Variants in PLEC observed in about 807,000 individuals in gnomAD.
The protein encoded by PLEC is hemidesmosomal protein 1.
Under a neutral mutation model 392.8 loss-of-function variants are expected in PLEC, and 216 were observed. The ratio of observed to expected loss-of-function variants is 0.55; its 90% CI spans 0.49 to 0.62. The LOEUF (loss-of-function observed/expected upper bound fraction) is 0.62. Among genes scored for constraint, PLEC ranks in the 20% least tolerant of loss-of-function variants. The probability of loss-of-function intolerance (pLI) is 0.00; values close to 1 mark genes in which losing one functional copy is unlikely to be tolerated. For missense variants in PLEC, 6,863 were observed against 6,563.4 expected, an observed-to-expected ratio of 1.05 and a Z score of -1.58; for synonymous variants, 3,621 against 2,980.6, an observed-to-expected ratio of 1.21 and a Z score of -7.00.
In PLEC at chr8:143,924,315, C is replaced by CCTCCGCCAGCCGCCGCAGGCGCTCGTT. The variant is rs1554696651; in HGVS notation, c.5587_5613dup (p.Asn1863_Glu1871dup). On this transcript the variant is annotated inframe_insertion, in exon 31 of 32. Transcript: ENST00000345136. The stretch of plus-strand genomic sequence containing the variant: ...AGCCGCCGCCGCTGGAAGGCCTCGT[C>CCTCCGCCAGCCGCCGCAGGCGCTCGTT]CTCCGCCAGCCGCCGCAGGCGCTCG... 3.8e-6 allele frequency: 6 copies of CCTCCGCCAGCCGCCGCAGGCGCTCGTT among 1,594,452 alleles called. No homozygotes were observed.
chr8:143,933,904 C>T, intron 12 of PLEC, 94 bp downstream of exon 12: 1 of 1,140,416 alleles, frequency 8.8e-7, no homozygotes, highest in Non-Finnish European at 1.3e-6. Context: ...CCCAGGAGCC[C>T]AGGGGGACAG....
intron 3 of PLEC, 106 bp from the exon 4 acceptor site, chr8:143,937,348 G>C (rs1164581473): frequency 8.5e-6 from 7 of 822,570 alleles, no homozygotes; most frequent in Non-Finnish European, 1.4e-5. Flanking sequence ...TCTTCCCCAG[G>C]GGGCAGCAGC....
rs782331003 is a variant in PLEC, at chr8:143,916,990, C to G, written c.12831G>C (p.Thr4277=). ...TGTCCAGGATGCCAGCCACGGGGCC[C>G]GTCTCCTCAGTGGGGTCTGACCAGG... ...LASWSDPTEE[T]GPVAGILDTE... The change falls in exon 32 of 32, where the codon ACG becomes ACC. Residue 4277 remains threonine, a synonymous_variant. Coordinates refer to ENST00000345136, the MANE Select transcript of PLEC (RefSeq NM_201384.3). 1 of 1,612,842 alleles carries G rather than the reference C, an allele frequency of 6.2e-7. No individual in the cohort carries two copies. Among genetic ancestry groups the G allele is most frequent in the Non-Finnish European group, 8.5e-7 (1 of 1,179,982 alleles).
At position 143,922,590 on chromosome 8, in the gene PLEC, G is replaced by T. The variant is rs781936848; in HGVS notation, c.7339C>A (p.Arg2447Ser). The change falls in exon 31 of 32, where the codon CGC (arginine) becomes AGC (serine). Residue 2447 changes from arginine to serine, a missense_variant. Transcript: ENST00000345136. Reference sequence around the variant, plus strand: ...AGCTCAGCGATGGCCTCCCGCAGGCGCTCGGCATCATGGTCACTCTGCTGT... The same window carrying T: ...AGCTCAGCGATGGCCTCCCGCAGGCTCTCGGCATCATGGTCACTCTGCTGT... ...QRQQSDHDAE[R>S]LREAIAELER... is the part of the protein sequence containing the mutation. The T allele has an allele frequency of 2.5e-6, 4 of 1,613,544 alleles. No homozygotes were observed. Among genetic ancestry groups the T allele is most frequent in the African/African-American group, 1.3e-5 (1 of 75,048 alleles).
Position 143,922,603 on chromosome 8 carries a change from G to T in PLEC, c.7326C>A (p.Asp2442Glu). 1.2e-6 allele frequency: 2 copies of T among 1,613,614 alleles called. No homozygotes were observed. Among genetic ancestry groups the T allele is most frequent in the East Asian group, 4.5e-5 (2 of 44,874 alleles). The part of the protein sequence containing the change: ...QTLEIQRQQS[D>E]HDAERLREAI... Reference sequence around the variant, plus strand: ...CCTCCCGCAGGCGCTCGGCATCATGGTCACTCTGCTGTCGCTGGATCTCCA... The same window carrying T: ...CCTCCCGCAGGCGCTCGGCATCATGTTCACTCTGCTGTCGCTGGATCTCCA... Residue 2442 changes from aspartate to glutamate, a missense_variant, in exon 31 of 32, where the codon GAC becomes GAA. Transcript: ENST00000345136.
In PLEC at chr8:143,922,360, C is replaced by G; in HGVS notation, c.7461G>C (p.Glu2487Asp). The change falls in exon 32 of 32, where the codon GAG becomes GAC. Residue 2487 changes from glutamate to aspartate, a missense_variant. Physicochemically the swap from Glu to Asp is conservative, Grantham distance 45. Coordinates refer to ENST00000345136, the MANE Select transcript of PLEC (RefSeq NM_201384.3). ...QTVQQEQLLQ[E>D]TQALQQSFLS... ...GGAAGCTTTGCTGCAGGGCCTGCGT[C>G]TCCTGCAGCAGCTGCTCCTGCTGCA... 1 of 1,604,158 alleles carries G rather than the reference C, an allele frequency of 6.2e-7. No homozygotes were observed. The highest frequency in any genetic ancestry group is 8.5e-7 in the Non-Finnish European group (1 of 1,179,962).
chr8:143,953,688 C>T, upstream of PLEC: 1 of 1,598,950 alleles, frequency 6.3e-7, no homozygotes, highest in South Asian at 1.1e-5. Flanking sequence ...ACTGTGTGGT[C>T]CGCGCCCCCC....
intron 1 of PLEC, among the ~76,000 whole-genome samples, chr8:143,945,780 TGGGAAGCC>T (rs1448719751): frequency 1.3e-5 from 2 of 152,160 alleles, no homozygotes; most frequent in African/African-American, 4.8e-5. Flanking sequence ...AGGTCCATGC[TGGGAAGCC>T]CGCGGACAAC....
chr8:143,953,031 AC>A (rs1190226615), upstream of PLEC, among the ~76,000 whole-genome samples: 5 of 78,694 alleles, frequency 6.4e-5, no homozygotes, highest in Non-Finnish European at 1.2e-4. Context: ...TGCAGCACAC[AC>A]CCCCCCCGAA....
upstream of PLEC, among the ~76,000 whole-genome samples, chr8:143,944,493 C>G (rs1047431075): frequency 6.6e-6 from 1 of 152,250 alleles, no homozygotes; most frequent in Admixed American, 6.5e-5. Context: ...GACTGCAGAC[C>G]AGGGCTGAGG....
At chr8:143,932,743 T>C (rs782473395) in intron 14 of PLEC, 31 bp from the exon 15 acceptor site, 1 of 1,608,572 alleles carries the variant, frequency 6.2e-7, no homozygotes, top group East Asian at 2.2e-5. Flanking sequence ...AGGTCTGCAG[T>C]GGCTGGGCCC....
In PLEC at chr8:143,923,300, T is replaced by C; in HGVS notation, c.6629A>G (p.Gln2210Arg). 2 of 1,609,172 alleles carry C rather than the reference T, an allele frequency of 1.2e-6. No homozygotes were observed. The highest frequency in any genetic ancestry group is 1.1e-5 in the South Asian group (1 of 90,904). The part of the protein sequence containing the change: ...HQKNLLDEEL[Q>R]RLKAEATEAA... Reference sequence around the variant, plus strand: ...CTCCGTGGCCTCCGCCTTCAGCCGCTGCAGCTCCTCGTCCAGCAGGTTCTT... The same window carrying C: ...CTCCGTGGCCTCCGCCTTCAGCCGCCGCAGCTCCTCGTCCAGCAGGTTCTT... Residue 2210 changes from glutamine to arginine, a missense_variant, in exon 31 of 32, where the codon CAG becomes CGG. Coordinates refer to ENST00000345136, the MANE Select transcript of PLEC (RefSeq NM_201384.3).
intron 6 of PLEC, 107 bp from the exon 7 acceptor site, chr8:143,935,420 C>A (rs1180153134): frequency 2.6e-6 from 2 of 777,094 alleles, no homozygotes; most frequent in Non-Finnish European, 4.4e-6. Flanking sequence ...ACCATGGACC[C>A]CCCCAACACT....
In PLEC at chr8:143,922,036, A is replaced by G; in HGVS notation, c.7785T>C (p.Arg2595=). ...GCTCCTCCAGGAGCTGCAGCTGCTC[A>G]CGCAGCCTCTGGTTCTCCTCAGCCA... ...ELLAEENQRL[R]EQLQLLEEQH... The change falls in exon 32 of 32, where the codon CGT becomes CGC. Residue 2595 remains arginine (R), a synonymous_variant. Coordinates refer to ENST00000345136, the MANE Select transcript of PLEC (RefSeq NM_201384.3). 6.3e-7 allele frequency: 1 copy of G among 1,595,904 alleles called. No individual in the cohort carries two copies.
chr8:143,925,212 T>A lies in PLEC; in HGVS notation c.4717A>T (p.Ser1573Cys). 1 of 1,586,818 alleles carries A rather than the reference T, an allele frequency of 6.3e-7. No homozygotes were observed. The highest frequency in any genetic ancestry group is 8.5e-7 in the Non-Finnish European group (1 of 1,174,718). The part of the protein sequence containing the change: ...VQVALETAQR[S>C]AEAELQSKRA... ...TTGCTCTGCAGCTCCGCCTCTGCAC[T>A]GCGCTGCGCCGTCTCCAGGGCCACC... The change falls in exon 31 of 32, where the codon AGT becomes TGT. Residue 1573 changes from serine (S) to cysteine (C), a missense_variant. Physicochemically the swap from Ser to Cys is moderately radical, Grantham distance 112. Coordinates refer to ENST00000345136, the MANE Select transcript of PLEC (RefSeq NM_201384.3).
At chr8:143,975,078 C>A, upstream of PLEC, 2 of 1,355,424 alleles carry the variant, frequency 1.5e-6, no homozygotes, top group African/African-American at 1.4e-5. The surrounding 1 kb of genome is among the most constrained non-coding windows in gnomAD (Gnocchi z 9.9). Context: ...CCCCCTAGGC[C>A]TCCCCCACCC....
chr8:143,967,712 C>T (rs986885114), intron 1 of PLEC, among the ~76,000 whole-genome samples: 1 of 152,190 alleles, frequency 6.6e-6, no homozygotes, highest in African/African-American at 2.4e-5. Context: ...TCCCTTGATT[C>T]CATTTCCATG....
At position 143,918,267 on chromosome 8, in the gene PLEC, C is replaced by T. The variant is rs879965060; in HGVS notation, c.11554G>A (p.Asp3852Asn). The T allele has an allele frequency of 3.0e-5, 47 of 1,592,114 alleles. No homozygotes were observed. Among genetic ancestry groups the T allele is most frequent in the East Asian group, 1.3e-4 (6 of 44,662 alleles). The part of the protein sequence containing the change: ...EVRSYVDPST[D>N]ERLSYTQLLR... The stretch of plus-strand genomic sequence containing the variant: ...AGCTGCGTGTAGCTGAGGCGCTCGT[C>T]GGTGGACGGGTCCACGTAGCTGCGC... The change falls in exon 32 of 32, where the codon GAC becomes AAC. Residue 3852 changes from aspartate (D) to asparagine (N), a missense_variant. Asp to Asn is a conservative substitution (Grantham distance 23, BLOSUM62 1). Transcript: ENST00000345136.
Position 143,918,050 on chromosome 8 carries a change from T to A in PLEC, c.11771A>T (p.Asn3924Ile). The stretch of plus-strand genomic sequence containing the variant: ...GGTGCCTTCCAGGAACTTCTGCAAG[T>A]TCTTGGTGACCTCCTCGATGGAGGT... ...GLTSIEEVTK[N>I]LQKFLEGTSC... Residue 3924 changes from asparagine to isoleucine, a missense_variant, in exon 32 of 32, where the codon AAC becomes ATC. By Grantham distance (149) the Asn-to-Ile change is moderately radical. Coordinates refer to ENST00000345136, the MANE Select transcript of PLEC (RefSeq NM_201384.3). 1.2e-6 allele frequency: 2 copies of A among 1,606,648 alleles called. No homozygotes were observed. The highest frequency in any genetic ancestry group is 1.7e-6 in the Non-Finnish European group (2 of 1,177,952).
Sources: gnomAD v4.1 joint callset for allele counts (sites outside exome capture counted in the v4.1 genomes callset) on GRCh38, gnomAD v4.1.1 for gene constraint, Gnocchi (gnomAD v3.1) non-coding constraint, MANE v1.5 for transcripts, NCBI Gene and HGNC (gene_info 2026-07-23, HGNC 2026-07-21) for gene names.